GPAM: variants seen among roughly 807,000 people sequenced by gnomAD.
GPAM encodes the protein glycerol-3-phosphate acyltransferase, mitochondrial, also known as glycerol-3-phosphate acyltransferase 1, mitochondrial.
A neutral mutation model predicts 105.0 loss-of-function variants in GPAM; 56 were observed. The observed-to-expected ratio is 0.53, with a 90% CI of 0.43 to 0.67. The LOEUF is 0.67. GPAM is among the 30% of genes least tolerant of loss of function. GPAM has a pLI of 0.00. For synonymous variants in GPAM, 368 were observed against 354.4 expected, an observed-to-expected ratio of 1.04 and a Z score of -0.43; for missense variants, 855 against 989.8, an observed-to-expected ratio of 0.86 and a Z score of 1.83.
intron 1 of GPAM, among the ~76,000 whole-genome samples, chr10:112,210,325 C>T (rs1372186410): frequency 1.3e-5 from 2 of 152,214 alleles, no homozygotes; most frequent in Non-Finnish European, 2.9e-5. Context: ...ACATTCAACT[C>T]TCTATGACTC....
At chr10:112,204,019 C>T (rs1443667012) in intron 1 of GPAM, among the ~76,000 whole-genome samples, 4 of 152,152 alleles carry the variant, frequency 2.6e-5, no homozygotes, top group Non-Finnish European at 5.9e-5. Context: ...CTACCAAACA[C>T]CAAGGTGTAT....
At position 112,157,306 on chromosome 10, in the gene GPAM, A is replaced by G; in HGVS notation, c.2064T>C (p.Ser688=). Residue 688 remains serine, a synonymous_variant, in exon 19 of 22, where the codon AGT becomes AGC. Coordinates refer to ENST00000348367, the MANE Select transcript of GPAM (RefSeq NM_001244949.2). ...AGTCACTGTCTTCATCTTCTTCATC[A>G]CTTCTCCAAGACAAAGGTTCTGGAA... The part of the protein sequence containing the change: ...KKLPEPLSWR[S]DEEDEDSDFG... 1 of 1,613,552 alleles carries G rather than the reference A, an allele frequency of 6.2e-7. No homozygotes were observed.
intron 20 of GPAM, chr10:112,155,499 T>C (rs1847000352): frequency 8.0e-6 from 2 of 250,276 alleles, no homozygotes; most frequent in Admixed American, 1.0e-4. Context: ...CATATTCAAA[T>C]ATGCTCATAG....
intron 20 of GPAM, 43 bp downstream of exon 20, chr10:112,155,821 A>AG (rs1847007421): frequency 7.3e-7 from 1 of 1,372,452 alleles, no homozygotes; most frequent in Non-Finnish European, 1.0e-6. Context: ...AAATCCAAAA[A>AG]AAAAAAAAAG....
chr10:112,154,569 C>G (rs1277915181), intron 21 of GPAM, 60 bp downstream of exon 21: 1 of 1,214,534 alleles, frequency 8.2e-7, no homozygotes, highest in Non-Finnish European at 1.2e-6. Flanking sequence ...CTCAAACAGA[C>G]TAGATCTAAA....
chr10:112,216,021 G>A (rs75148883), upstream of GPAM, among the ~76,000 whole-genome samples: 771 of 152,190 alleles, frequency 5.1e-3, 8 homozygotes, highest in African/African-American at 0.018. Flanking sequence ...GAAGGTGTAG[G>A]GGCGAATAAA....
chr10:112,215,155 G>C (rs1000389730), intron 1 of GPAM: 1 of 152,086 alleles, frequency 6.6e-6, no homozygotes, highest in African/African-American at 2.4e-5. Flanking sequence ...CTGCACCCCA[G>C]GTTTTTAAAT....
At chr10:112,154,981 T>C (rs1279839281) in intron 20 of GPAM, 7 of 482,020 alleles carry the variant, frequency 1.5e-5, no homozygotes, top group Non-Finnish European at 2.6e-5. Flanking sequence ...TAGAAATACC[T>C]AAAACATCCA....
At chr10:112,168,667 G>T in intron 10 of GPAM, 143 bp from the exon 11 acceptor site, 1 of 722,940 alleles carries the variant, frequency 1.4e-6, no homozygotes. Context: ...TAATAAAACA[G>T]CTCCTCCAAT....
intron 1 of GPAM, among the ~76,000 whole-genome samples, chr10:112,192,898 T>A (rs532921364): frequency 9.9e-5 from 15 of 152,182 alleles, no homozygotes; most frequent in Admixed American, 9.2e-4. Flanking sequence ...CTATGTTGTA[T>A]GCAGGGGCCT....
chr10:112,183,447 G>A (rs1472610072), intron 1 of GPAM, among the ~76,000 whole-genome samples: 4 of 152,226 alleles, frequency 2.6e-5, no homozygotes, highest in African/African-American at 4.8e-5. Context: ...GAGTCCATAA[G>A]GACTCCTTCC....
intron 7 of GPAM, among the ~76,000 whole-genome samples, chr10:112,173,306 A>G (rs1277524545): frequency 6.6e-6 from 1 of 152,168 alleles, no homozygotes; most frequent in African/African-American, 2.4e-5. Context: ...CTACAGTCAT[A>G]GTTCACTCTA....
chr10:112,154,608 C>A lies in GPAM; in HGVS notation c.2370+21G>T, dbSNP rs3740149. On this transcript the variant is annotated intron_variant, in intron 21 of 21. Coordinates refer to ENST00000348367, the MANE Select transcript of GPAM (RefSeq NM_001244949.2). ...AACAGAAGTTGAGATAGCTTTTATA[C>A]CATAAATGGTGGACACCTACCCCAA... is the stretch of plus-strand genomic sequence containing the variant. 952 of 1,532,210 alleles carry A rather than the reference C, an allele frequency of 6.2e-4. 8 individuals carry two copies. In the East Asian group the frequency reaches 0.018, roughly 30 times the overall value. 94.9% of individuals were successfully genotyped at this position (1,532,210 alleles called of 1,614,324 possible). A position where few individuals can be genotyped will look rare whatever the true frequency, so the allele number is the denominator to read the frequency against.
chr10:112,150,541 C>T lies in GPAM; in HGVS notation c.*3009G>A, dbSNP rs748960873. On this transcript the variant is annotated 3_prime_UTR_variant, in exon 22 of 22. Transcript: ENST00000348367. ...TGCCCCAGTGCTATCTGTTCATTACCGTTTTGTCTCCTTAAAGAACTATCT... is the reference window on the plus strand; with the variant it reads ...TGCCCCAGTGCTATCTGTTCATTACTGTTTTGTCTCCTTAAAGAACTATCT... 23 of 985,356 alleles carry T rather than the reference C, an allele frequency of 2.3e-5. No homozygotes were observed. Among genetic ancestry groups the T allele is most frequent in the South Asian group, 4.7e-5 (1 of 21,274 alleles). The allele number at this position is 985,356 out of a possible 1,614,324, so 61.0% of individuals were successfully genotyped here. A position where few individuals can be genotyped will look rare whatever the true frequency, so the allele number is the denominator to read the frequency against.
rs899700700 is a variant in GPAM, at chr10:112,150,482, G to A, written c.*3068C>T. On this transcript the variant is annotated 3_prime_UTR_variant, in exon 22 of 22. Transcript: ENST00000348367. The stretch of plus-strand genomic sequence containing the variant: ...GGGAGGAAATACACATCTATTCAAC[G>A]CCACACTGGACGTTACAAAATGCAT... 15 of 984,798 alleles carry A rather than the reference G, an allele frequency of 1.5e-5. No individual in the cohort carries two copies. The Admixed American group carries it at 3.1e-4, about 20-fold the overall frequency. The allele number at this position is 984,798 out of a possible 1,614,324, so 61.0% of individuals were successfully genotyped here. A position where few individuals can be genotyped will look rare whatever the true frequency, so the allele number is the denominator to read the frequency against.
chr10:112,226,952 G>C, the GPAM span, among the ~76,000 whole-genome samples: 1 of 152,070 alleles, frequency 6.6e-6, no homozygotes, highest in African/African-American at 2.4e-5. Context: ...GTGTTCCAAA[G>C]GCCACGAGGG....
In GPAM at chr10:112,173,785, C is replaced by T. The variant is rs1564680511; in HGVS notation, c.474G>A (p.Gln158=). ...TCACTTTGTTAACGGCTTTTGATTG[C>T]TGCTGGGCAGAACCATCAGGGTTTA... The part of the protein sequence containing the change: ...AELNPDGSAQ[Q]QSKAVNKVKK... The change falls in exon 7 of 22, where the codon CAG becomes CAA. Residue 158 remains glutamine, a synonymous_variant. Coordinates refer to ENST00000348367, the MANE Select transcript of GPAM (RefSeq NM_001244949.2). 1.2e-6 allele frequency: 2 copies of T among 1,613,244 alleles called. No individual in the cohort carries two copies. The highest frequency in any genetic ancestry group is 1.7e-6 in the Non-Finnish European group (2 of 1,179,206).
the GPAM span, among the ~76,000 whole-genome samples, chr10:112,224,180 GA>G: frequency 6.6e-6 from 1 of 152,126 alleles, no homozygotes; most frequent in African/African-American, 2.4e-5. Context: ...AAAGTGTTTT[GA>G]AAAGTATAAA....
chr10:112,220,197 T>C (rs1235335920), upstream of GPAM, among the ~76,000 whole-genome samples: 1 of 152,008 alleles, frequency 6.6e-6, no homozygotes, highest in Admixed American at 6.5e-5. Context: ...TATGATTGGA[T>C]CCCCAACCAA....
Sources: allele counts gnomAD v4.1 joint callset (sites outside exome capture counted in the v4.1 genomes callset), GRCh38; gene constraint gnomAD v4.1.1; transcripts MANE v1.5; gene names NCBI Gene and HGNC (gene_info 2026-07-23, HGNC 2026-07-21).